The following PTPRR variants were observed in gnomAD, a reference collection of about 807,000 sequenced individuals.
The protein encoded by PTPRR is receptor-type tyrosine-protein phosphatase R.
A neutral mutation model predicts 77.2 loss-of-function variants in PTPRR; 38 were observed. The observed-to-expected ratio is 0.49, with a 90% CI of 0.38 to 0.65. The LOEUF (loss-of-function observed/expected upper bound fraction) is 0.65, where lower values mean the gene tolerates loss of function less well. Ranked by LOEUF, PTPRR falls within the 30% of genes least tolerant of loss-of-function variation. The pLI, the probability that PTPRR is intolerant of heterozygous loss-of-function variation, is 0.00. For synonymous variants in PTPRR, 299 were observed against 283.1 expected (o/e 1.06, Z -0.57); for missense variants, 744 against 799.2 (o/e 0.93, Z 0.83).
At chr12:70,683,634 T>C (rs1272509132) in intron 10 of PTPRR, among the ~76,000 whole-genome samples, 1 of 152,212 alleles carries the variant, frequency 6.6e-6, no homozygotes, top group Non-Finnish European at 1.5e-5. Context: ...CTTTCTTTCC[T>C]ATAGCATTTA....
At chr12:70,903,396 T>A (rs1415426135) in intron 1 of PTPRR, among the ~76,000 whole-genome samples, 2 of 151,822 alleles carry the variant, frequency 1.3e-5, no homozygotes, top group Admixed American at 1.3e-4. Context: ...AAAAATAATG[T>A]AAATCAAAAA....
chr12:70,744,243 C>A (rs766454405), intron 6 of PTPRR, among the ~76,000 whole-genome samples: 11 of 152,224 alleles, frequency 7.2e-5, no homozygotes, highest in African/African-American at 2.4e-4. Flanking sequence ...AACCCAGGAA[C>A]GGCAGGGCTG....
At chr12:70,726,981 G>C (rs1889463766) in intron 6 of PTPRR, among the ~76,000 whole-genome samples, 1 of 151,954 alleles carries the variant, frequency 6.6e-6, no homozygotes. Context: ...GGGGAGAGAA[G>C]GGGGAAAGTG....
chr12:70,709,870 T>C (rs1481145935), intron 6 of PTPRR, among the ~76,000 whole-genome samples: 5 of 152,022 alleles, frequency 3.3e-5, no homozygotes, highest in Non-Finnish European at 7.4e-5. Flanking sequence ...ACATTCCACG[T>C]TCATGTATAG....
intron 2 of PTPRR, among the ~76,000 whole-genome samples, chr12:70,843,517 A>G (rs997950851): frequency 6.6e-6 from 1 of 152,164 alleles, no homozygotes; most frequent in Admixed American, 6.5e-5. Flanking sequence ...GAACTCTCCA[A>G]TTGCTCTGTA....
intron 2 of PTPRR, among the ~76,000 whole-genome samples, chr12:70,814,416 A>G (rs948919880): frequency 1.3e-5 from 2 of 152,082 alleles, no homozygotes; most frequent in African/African-American, 4.8e-5. Context: ...CCTCCCAGAG[A>G]GCCTGGCTGT....
rs749210517 is a variant in PTPRR, at chr12:70,662,607, T to C, written c.1498-2A>G. 6.3e-7 allele frequency: 1 copy of C among 1,575,032 alleles called. No individual in the cohort carries two copies. The highest frequency in any genetic ancestry group is 8.7e-7 in the Non-Finnish European group (1 of 1,148,254). On this transcript the variant is annotated splice_acceptor_variant, in intron 10 of 13. Coordinates refer to ENST00000283228, the MANE Select transcript of PTPRR (RefSeq NM_002849.4). LOFTEE classifies it high-confidence loss of function. ...TTCCGGCCAGTATAGCACACATTTCTGGAGGAAGGGAAAGAGAATACAGCA... is the reference window on the plus strand; with the variant it reads ...TTCCGGCCAGTATAGCACACATTTCCGGAGGAAGGGAAAGAGAATACAGCA...
At chr12:70,897,705 C>T (rs1233969023) in intron 1 of PTPRR, among the ~76,000 whole-genome samples, 1 of 151,930 alleles carries the variant, frequency 6.6e-6, no homozygotes, top group Non-Finnish European at 1.5e-5. Context: ...CACATGCACA[C>T]ATATGTTGGT....
intron 6 of PTPRR, among the ~76,000 whole-genome samples, chr12:70,725,509 G>A (rs766784434): frequency 2.6e-5 from 4 of 152,078 alleles, no homozygotes; most frequent in Non-Finnish European, 5.9e-5. Flanking sequence ...CCTCCCCAAT[G>A]TATTAAGTTC....
At chr12:70,833,127 A>G (rs1378442646) in intron 2 of PTPRR, among the ~76,000 whole-genome samples, 1 of 152,174 alleles carries the variant, frequency 6.6e-6, no homozygotes, top group Non-Finnish European at 1.5e-5. Flanking sequence ...TCACATTTCA[A>G]CATGAGATTT....
In PTPRR at chr12:70,713,892, T is replaced by C. The variant is rs565284528; in HGVS notation, c.1008-12569A>G. Among the ~76,000 whole-genome samples, 12 of 152,300 alleles carry C rather than the reference T, an allele frequency of 7.9e-5. No individual in the cohort carries two copies. The South Asian group carries it at 2.5e-3, about 32-fold the overall frequency. On this transcript the variant is annotated intron_variant, in intron 6 of 13. Transcript: ENST00000283228. ...TTTATATGTCAAGTTGAGTGGGCCA[T>C]GGTTTGCCTGGGTATTTGGTCAAAC... is the stretch of plus-strand genomic sequence containing the variant.
chr12:70,701,231 G>T lies in PTPRR; in HGVS notation c.1100C>A (p.Ala367Glu), dbSNP rs148722303. 131 of 1,613,860 alleles carry T rather than the reference G, an allele frequency of 8.1e-5. No homozygotes were observed. The highest frequency in any genetic ancestry group is 1.1e-4 in the Non-Finnish European group (128 of 1,179,950). Residue 367 changes from alanine to glutamate, a missense_variant, in exon 7 of 14, where the codon GCA (alanine) becomes GAA (glutamate). By Grantham distance (107) the Ala-to-Glu change is moderately radical (BLOSUM62 -1). This residue lies in a region of PTPRR where 570 missense variants were observed against 573.2 expected (regional missense o/e 0.99). Transcript: ENST00000283228. Reference protein sequence around the residue: ...VSIPTPREKVAMEYLQSASRI... With the variant: ...VSIPTPREKVEMEYLQSASRI... ...GCTGGCTGACTGCAGATACTCCATT[G>T]CTACCTTCTCCCGTGGTGTTGGTAT...
intron 10 of PTPRR, among the ~76,000 whole-genome samples, chr12:70,670,956 C>A (rs1420483926): frequency 6.6e-6 from 1 of 152,126 alleles, no homozygotes; most frequent in African/African-American, 2.4e-5. Flanking sequence ...ACATTGAGGT[C>A]ATGAGAATAT....
intron 2 of PTPRR, among the ~76,000 whole-genome samples, chr12:70,820,569 G>A (rs1891989355): frequency 6.6e-6 from 1 of 152,142 alleles, no homozygotes; most frequent in Admixed American, 6.5e-5. Context: ...TCCTGAGCTC[G>A]TGATCTGCAC....
At chr12:70,723,013 C>G (rs1430213487) in intron 6 of PTPRR, among the ~76,000 whole-genome samples, 1 of 152,144 alleles carries the variant, frequency 6.6e-6, no homozygotes, top group African/African-American at 2.4e-5. Context: ...ATGTGCGGGT[C>G]AACAAATCAC....
rs543874219 is a variant in PTPRR at position 70,888,303 on chromosome 12, G to GA, written c.357+4375dup. Among the ~76,000 whole-genome samples the GA allele has an allele frequency of 2.2e-4, 33 of 151,866 alleles. No individual in the cohort carries two copies. In the South Asian group the frequency reaches 3.5e-3, roughly 16 times the overall value. The stretch of plus-strand genomic sequence containing the variant: ...ACTTATCACTATCATGATATCTTTT[G>GA]AAAAAAAGCTATTCAATTGTTCCAG... On this transcript the variant is annotated intron_variant, in intron 2 of 13. Transcript: ENST00000283228.
chr12:70,681,439 T>A (rs1887654897), intron 10 of PTPRR, among the ~76,000 whole-genome samples: 2 of 152,194 alleles, frequency 1.3e-5, no homozygotes. Flanking sequence ...AGTGCAGATG[T>A]CTGTGACATT....
At chr12:70,874,413 G>T (rs1301194232) in intron 2 of PTPRR, among the ~76,000 whole-genome samples, 1 of 152,102 alleles carries the variant, frequency 6.6e-6, no homozygotes, top group African/African-American at 2.4e-5. Context: ...AGTAAAGAAT[G>T]ATGAATGATC....
At chr12:70,779,808 G>A (rs954280021) in intron 2 of PTPRR, among the ~76,000 whole-genome samples, 1 of 152,110 alleles carries the variant, frequency 6.6e-6, no homozygotes, top group Non-Finnish European at 1.5e-5. Flanking sequence ...AACAAACCCA[G>A]GCCTCGTGCT....
Sources: allele counts gnomAD v4.1 joint callset (sites outside exome capture counted in the v4.1 genomes callset), GRCh38; gene constraint gnomAD v4.1.1; regional missense constraint gnomAD v4.1.1; transcripts MANE v1.5; gene names NCBI Gene and HGNC (gene_info 2026-07-23, HGNC 2026-07-21).